DAB1: variants seen among roughly 807,000 people sequenced by gnomAD.
DAB1 encodes the protein DAB adaptor protein 1.
A neutral mutation model predicts 64.6 loss-of-function variants in DAB1; 15 were observed. The ratio of observed to expected loss-of-function variants is 0.23; its 90% CI spans 0.16 to 0.36. The LOEUF is 0.36. Among genes scored for constraint, DAB1 ranks in the 10% least tolerant of loss-of-function variants. The pLI is 1.00. For synonymous variants in DAB1, 235 were observed against 251.9 expected (o/e 0.93, Z 0.64); for missense variants, 596 against 706.7 (o/e 0.84, Z 1.78).
chr1:58,504,153 T>C (rs761685143), intron 3 of DAB1, among the ~76,000 whole-genome samples: 20 of 152,192 alleles, frequency 1.3e-4, no homozygotes, highest in Non-Finnish European at 2.8e-4. Flanking sequence ...CTCTGCTCAA[T>C]ATCCTCAACT....
intron 2 of DAB1, among the ~76,000 whole-genome samples, chr1:58,524,580 T>C (rs1042595744): frequency 6.6e-6 from 1 of 152,246 alleles, no homozygotes; most frequent in African/African-American, 2.4e-5. Flanking sequence ...TGCTTGCTGG[T>C]AGAGTTGCAG....
chr1:57,684,171 A>G lies in DAB1; in HGVS notation n.552-34506T>C, dbSNP rs1321111250. Among the ~76,000 whole-genome samples the G allele has an allele frequency of 2.6e-5, 4 of 152,164 alleles. No individual in the cohort carries two copies. In the East Asian group the frequency reaches 7.7e-4, roughly 29 times the overall value. On this transcript the variant is annotated intron_variant and non_coding_transcript_variant, in intron 6 of 20. Coordinates refer to the DAB1 transcript ENST00000485760. ...TGATATTCCTGAGAGAAAAGAAAAGAAAGTAAGCAACTTGGAAAATACAAG... is the reference window on the plus strand; with the variant it reads ...TGATATTCCTGAGAGAAAAGAAAAGGAAGTAAGCAACTTGGAAAATACAAG...
rs1385463234 is a variant in DAB1 at position 57,090,361 on chromosome 1, C to T, written c.307-17947G>A. On this transcript the variant is annotated intron_variant, in intron 4 of 14. Coordinates refer to ENST00000371236, the MANE Select transcript of DAB1 (RefSeq NM_001365792.1). ...AATCCAGGGTATCTAGTCTCAATGT[C>T]TTCTCCCCACTTCAGGAAATTAATC... 2.0e-5 allele frequency among the ~76,000 whole-genome samples: 3 copies of T among 152,136 alleles called. No homozygotes were observed. The East Asian group carries it at 5.8e-4, about 29-fold the overall frequency.
At chr1:57,381,802 T>G (rs1482762185) in intron 1 of DAB1, among the ~76,000 whole-genome samples, 1 of 152,194 alleles carries the variant, frequency 6.6e-6, no homozygotes, top group East Asian at 1.9e-4. Context: ...TATTAACAAT[T>G]GGGCATTGGT....
At chr1:57,850,952 C>T (rs1333856005) in intron 1 of DAB1, among the ~76,000 whole-genome samples, 2 of 152,180 alleles carry the variant, frequency 1.3e-5, no homozygotes, top group African/African-American at 2.4e-5. Context: ...TCCTTCCACC[C>T]CCTGCAAGCC....
intron 7 of DAB1, among the ~76,000 whole-genome samples, chr1:57,536,180 A>G (rs1376902108): frequency 6.6e-6 from 1 of 152,210 alleles, no homozygotes; most frequent in African/African-American, 2.4e-5. Context: ...TAATTGATCC[A>G]TGTCCCACTA....
chr1:57,187,852 A>ACC (rs1192224311), intron 2 of DAB1, among the ~76,000 whole-genome samples: 1 of 151,520 alleles, frequency 6.6e-6, no homozygotes, highest in Non-Finnish European at 1.5e-5. Context: ...AGAGAGAGAG[A>ACC]CTCCCACAAA....
chr1:57,629,859 T>G (rs1645967342), intron 7 of DAB1, among the ~76,000 whole-genome samples: 1 of 151,784 alleles, frequency 6.6e-6, no homozygotes, highest in African/African-American at 2.4e-5. Flanking sequence ...TTTTTCCCCC[T>G]TAAAAAATTA....
intron 5 of DAB1, among the ~76,000 whole-genome samples, chr1:58,034,063 T>C (rs1410306754): frequency 2.0e-5 from 3 of 152,206 alleles, no homozygotes; most frequent in Admixed American, 6.5e-5. Context: ...TTCTAACAAA[T>C]AGAATACAGC....
chr1:58,499,059 TG>T (rs1216712902), intron 3 of DAB1, among the ~76,000 whole-genome samples: 1 of 152,044 alleles, frequency 6.6e-6, no homozygotes, highest in Non-Finnish European at 1.5e-5. Context: ...AATATGAACA[TG>T]ATAAAATCCT....
rs1377083753 is a variant in DAB1 at position 57,276,097 on chromosome 1, T to C, written c.67+14867A>G. ...TAAATTGTGAGGTTTAGTGAAAAAG[T>C]AATACAGAATTAAATACACAGAAGG... is the stretch of plus-strand genomic sequence containing the variant. On this transcript the variant is annotated intron_variant, in intron 2 of 14. Coordinates refer to ENST00000371236, the MANE Select transcript of DAB1 (RefSeq NM_001365792.1). 2.0e-5 allele frequency among the ~76,000 whole-genome samples: 3 copies of C among 152,366 alleles called. No homozygotes were observed. The East Asian group carries it at 5.8e-4, about 29-fold the overall frequency.
At chr1:58,355,359 G>A (rs555132784) in intron 3 of DAB1, among the ~76,000 whole-genome samples, 1 of 152,312 alleles carries the variant, frequency 6.6e-6, no homozygotes, top group East Asian at 1.9e-4. Flanking sequence ...TCTAGATAGA[G>A]TGTACCTTTG....
At chr1:57,103,011 A>C (rs148733524) in intron 4 of DAB1, among the ~76,000 whole-genome samples, 108 of 152,264 alleles carry the variant, frequency 7.1e-4, no homozygotes, top group African/African-American at 2.6e-3. Flanking sequence ...TGCAATTATG[A>C]CTGGGTCTCA....
intron 4 of DAB1, among the ~76,000 whole-genome samples, chr1:58,207,109 G>A (rs542834638): frequency 1.5e-4 from 23 of 152,284 alleles, no homozygotes; most frequent in Admixed American, 1.2e-3. Flanking sequence ...CAGTCAAGAT[G>A]AGAAAACTCA....
intron 7 of DAB1, among the ~76,000 whole-genome samples, chr1:57,612,339 T>G (rs1016527731): frequency 1.3e-5 from 2 of 152,150 alleles, no homozygotes; most frequent in African/African-American, 4.8e-5. Context: ...GTGATTATGT[T>G]ACCTTACATG....
At chr1:57,151,970 T>C (rs1659720635) in intron 2 of DAB1, among the ~76,000 whole-genome samples, 1 of 152,024 alleles carries the variant, frequency 6.6e-6, no homozygotes, top group Admixed American at 6.6e-5. Context: ...CCCGCCACCA[T>C]GCCCGGCTGA....
At chr1:57,907,863 GTA>G (rs56931581) in intron 5 of DAB1, among the ~76,000 whole-genome samples, 32,665 of 147,778 alleles carry the variant, frequency 0.22, 3,789 homozygotes, top group Admixed American at 0.29. Context: ...GAAGGTATGT[GTA>G]TATATATATA....
chr1:57,531,367 C>G (rs138838679), intron 7 of DAB1, among the ~76,000 whole-genome samples: 1 of 152,158 alleles, frequency 6.6e-6, no homozygotes, highest in Admixed American at 6.5e-5. Context: ...TGCCCCACCC[C>G]TATCTTCCTT....
chr1:57,408,832 C>T (rs942088497), intron 1 of DAB1, among the ~76,000 whole-genome samples: 1 of 152,128 alleles, frequency 6.6e-6, no homozygotes, highest in African/African-American at 2.4e-5. Context: ...CACTCCTGGC[C>T]CCTTCCCCTG....
Sources: gnomAD v4.1 joint callset for allele counts (sites outside exome capture counted in the v4.1 genomes callset) on GRCh38, gnomAD v4.1.1 for gene constraint, MANE v1.5 for transcripts, NCBI Gene and HGNC (gene_info 2026-07-23, HGNC 2026-07-21) for gene names.